BIRC6: variants seen among roughly 807,000 people sequenced by gnomAD.
The protein encoded by BIRC6 is baculoviral IAP repeat containing 6, also known as dual E2 ubiquitin-conjugating enzyme/E3 ubiquitin-protein ligase BIRC6.
A neutral mutation model predicts 503.3 loss-of-function variants in BIRC6; 98 were observed. The ratio of observed to expected loss-of-function variants is 0.19; its 90% confidence interval spans 0.17 to 0.23. The LOEUF is 0.23. Ranked by LOEUF, BIRC6 falls within the 10% of genes least tolerant of loss-of-function variation. The pLI, the probability that BIRC6 is intolerant of heterozygous loss-of-function variation, is 1.00. For synonymous variants in BIRC6, 2,240 were observed against 2,078.7 expected (o/e 1.08, Z -2.11); for missense variants, 5,360 against 5,806.0 (o/e 0.92, Z 2.50).
chr2:32,447,646 G>A (rs1299692062), intron 21 of BIRC6, among the ~76,000 whole-genome samples: 4 of 123,438 alleles, frequency 3.2e-5, no homozygotes, highest in Admixed American at 1.5e-4. Context: ...GGCTGGCCGG[G>A]CAGGGGGCTG....
chr2:32,457,487 A>G (rs373422571), intron 23 of BIRC6, among the ~76,000 whole-genome samples: 2 of 152,214 alleles, frequency 1.3e-5, no homozygotes, highest in African/African-American at 4.8e-5. Flanking sequence ...TTCTTTTAGT[A>G]ATTGTATCAT....
chr2:32,437,385 T>G (rs1486069749), intron 15 of BIRC6, among the ~76,000 whole-genome samples: 1 of 152,158 alleles, frequency 6.6e-6, no homozygotes, highest in Non-Finnish European at 1.5e-5. Context: ...AATGACTAGT[T>G]CAATTGTTAA....
At chr2:32,580,487 A>G (rs999541773) in intron 66 of BIRC6, among the ~76,000 whole-genome samples, 2 of 152,196 alleles carry the variant, frequency 1.3e-5, no homozygotes, top group Non-Finnish European at 1.5e-5. Context: ...GTGCCTGAGC[A>G]TAGTGTAGCT....
chr2:32,426,735 CTTTA>C (rs1382888122), intron 10 of BIRC6, among the ~76,000 whole-genome samples: 1 of 152,162 alleles, frequency 6.6e-6, no homozygotes, highest in Non-Finnish European at 1.5e-5. Context: ...CATTTCTGTT[CTTTA>C]TTTTTTCAGT....
chr2:32,547,175 A>G (rs2150349669), intron 63 of BIRC6, among the ~76,000 whole-genome samples: 1 of 152,320 alleles, frequency 6.6e-6, no homozygotes, highest in Middle Eastern at 3.4e-3. Flanking sequence ...TCCTTTTGCT[A>G]TATTTATCCT....
At position 32,485,634 on chromosome 2, in the gene BIRC6, T is replaced by C; in HGVS notation, c.7697-9T>C. On this transcript the variant is annotated splice_polypyrimidine_tract_variant and intron_variant, in intron 39 of 73. Coordinates refer to ENST00000421745, the MANE Select transcript of BIRC6 (RefSeq NM_016252.4). ...AATGTTTTCTTTTTCTTTCAATTGC[T>C]TTTTGTAGCCCTGGATGCTCGCCTA... The C allele has an allele frequency of 1.3e-6, 2 of 1,586,538 alleles. No individual in the cohort carries two copies. The highest frequency in any genetic ancestry group is 1.7e-6 in the Non-Finnish European group (2 of 1,158,660).
chr2:32,475,796 T>C (rs1207890365), intron 33 of BIRC6, among the ~76,000 whole-genome samples: 1 of 152,124 alleles, frequency 6.6e-6, no homozygotes, highest in African/African-American at 2.4e-5. Context: ...TCAATCCAAA[T>C]TTTAATAAAA....
At position 32,491,489 on chromosome 2, in the gene BIRC6, C is replaced by T. The variant is rs767154378; in HGVS notation, c.8271C>T (p.Asn2757=). ...STAHLLVSDP[N]LIHVLVKFLS... ...CTCATTTGTTGGTTTCAGATCCAAA[C>T]CTAATTCATGTATTAGTGAAATTTC... Residue 2757 remains asparagine, a synonymous_variant, in exon 44 of 74, where the codon AAC becomes AAT. Transcript: ENST00000421745. 9.3e-6 allele frequency: 15 copies of T among 1,613,378 alleles called. No individual in the cohort carries two copies. Among genetic ancestry groups the T allele is most frequent in the Non-Finnish European group, 1.3e-5 (15 of 1,179,494 alleles).
intron 6 of BIRC6, among the ~76,000 whole-genome samples, chr2:32,395,855 G>C (rs1227314296): frequency 6.6e-6 from 1 of 152,154 alleles, no homozygotes; most frequent in East Asian, 1.9e-4. Context: ...GGAAAGCTAT[G>C]GTAAAGTGAA....
chr2:32,422,345 G>A (rs1278494900), intron 10 of BIRC6, among the ~76,000 whole-genome samples: 1 of 151,870 alleles, frequency 6.6e-6, no homozygotes, highest in East Asian at 1.9e-4. Flanking sequence ...ACATTCCTTT[G>A]TTACTCCTTC....
chr2:32,450,434 C>T (rs898737247), intron 22 of BIRC6, among the ~76,000 whole-genome samples: 8 of 152,036 alleles, frequency 5.3e-5, no homozygotes, highest in African/African-American at 1.9e-4. Context: ...TGCACTCCAG[C>T]CCGGGCGAAA....
intron 67 of BIRC6, 148 bp from the exon 68 acceptor site, chr2:32,594,884 CAG>C (rs1159287747): frequency 1.1e-5 from 5 of 463,874 alleles, no homozygotes; most frequent in African/African-American, 4.1e-5. Flanking sequence ...TTTTTATTCT[CAG>C]AGCGGTTGTA....
At chr2:32,565,585 A>G (rs1458018597) in intron 65 of BIRC6, 1 of 152,214 alleles carries the variant, frequency 6.6e-6, no homozygotes, top group African/African-American at 2.4e-5. Flanking sequence ...CAGTGCTACT[A>G]ATTTCTTATA....
intron 23 of BIRC6, among the ~76,000 whole-genome samples, chr2:32,456,545 C>CAGTA (rs1012890800): frequency 6.6e-6 from 1 of 152,186 alleles, no homozygotes; most frequent in Admixed American, 6.5e-5. Context: ...TATTCAGCTT[C>CAGTA]AGTAAGTAAG....
rs1572497663 is a variant in BIRC6 at position 32,477,009 on chromosome 2, G to T, written c.6853-359G>T. On this transcript the variant is annotated intron_variant, in intron 34 of 73. Coordinates refer to ENST00000421745, the MANE Select transcript of BIRC6 (RefSeq NM_016252.4). ...TAACTCGAATTAATATTTTGTACTT[G>T]ATGTTATATTAGTTTTCTTTACCTT... 1.3e-5 allele frequency among the ~76,000 whole-genome samples: 2 copies of T among 152,208 alleles called. 1 individual carries two copies. Among genetic ancestry groups the T allele is most frequent in the South Asian group, 4.1e-4 (2 of 4,828 alleles).
chr2:32,384,675 G>T (rs1398721772), intron 3 of BIRC6, among the ~76,000 whole-genome samples: 1 of 152,134 alleles, frequency 6.6e-6, no homozygotes. Context: ...GGCAGATTAG[G>T]CAATCAGCAA....
Position 32,464,542 on chromosome 2 carries a change from ACAGCTGCAG to A in BIRC6, c.4989_4997del (p.Ala1664_Ala1666del), listed in dbSNP as rs758749183. The A allele has an allele frequency of 7.5e-5, 119 of 1,591,574 alleles. No homozygotes were observed. Among genetic ancestry groups the A allele is most frequent in the Admixed American group, 1.1e-4 (6 of 55,158 alleles). On this transcript the variant is annotated inframe_deletion, in exon 25 of 74. Transcript: ENST00000421745. ...GCTGGAAGCCAAGTTACATCAGACA[ACAGCTGCAG>A]CAGCTGCAGCAGCATCAGCAGTAGG...
intron 39 of BIRC6, among the ~76,000 whole-genome samples, chr2:32,483,768 G>T (rs2050678337): frequency 6.6e-6 from 1 of 152,134 alleles, no homozygotes; most frequent in Non-Finnish European, 1.5e-5. Context: ...AGAATATTGA[G>T]TTAATGCATC....
intron 26 of BIRC6, among the ~76,000 whole-genome samples, chr2:32,467,016 T>A (rs2048617028): frequency 2.0e-5 from 3 of 150,728 alleles, no homozygotes; most frequent in Non-Finnish European, 4.4e-5. Context: ...CTACTTGGGA[T>A]GCTGAGGCAG....
Sources: gnomAD v4.1 joint callset for allele counts (sites outside exome capture counted in the v4.1 genomes callset) on GRCh38, gnomAD v4.1.1 for gene constraint, MANE v1.5 for transcripts, NCBI Gene and HGNC (gene_info 2026-07-23, HGNC 2026-07-21) for gene names.